Variants in LPP observed in about 807,000 individuals in gnomAD.
LPP encodes the protein lipoma-preferred partner.
Under a neutral mutation model 60.4 loss-of-function variants are expected in LPP, and 38 were observed. The observed-to-expected ratio is 0.63, with a 90% confidence interval of 0.49 to 0.83. The LOEUF (loss-of-function observed/expected upper bound fraction) is 0.83. LPP is among the 40% of genes least tolerant of loss of function. The pLI, the probability that LPP is intolerant of heterozygous loss-of-function variation, is 0.00. For missense variants in LPP, 902 were observed against 783.6 expected (o/e 1.15, Z -1.80); for synonymous variants, 328 against 290.8 (o/e 1.13, Z -1.30).
intron 8 of LPP, among the ~76,000 whole-genome samples, chr3:188,719,538 G>T (rs899652535): frequency 6.6e-6 from 1 of 152,178 alleles, no homozygotes; most frequent in Non-Finnish European, 1.5e-5. Flanking sequence ...ATAATTGAAT[G>T]TTCTTTGCTT....
At chr3:188,274,966 A>G (rs1277682879) in intron 2 of LPP, among the ~76,000 whole-genome samples, 1 of 152,216 alleles carries the variant, frequency 6.6e-6, no homozygotes, top group Non-Finnish European at 1.5e-5. Flanking sequence ...ATGAAAATTG[A>G]CAGTCAAGCT....
intron 3 of LPP, among the ~76,000 whole-genome samples, chr3:188,380,490 T>G (rs1776581769): frequency 6.6e-6 from 1 of 152,230 alleles, no homozygotes; most frequent in Non-Finnish European, 1.5e-5. Context: ...ATGTCCCTTA[T>G]GTTCATTTGA....
intron 7 of LPP, among the ~76,000 whole-genome samples, chr3:188,620,411 A>G (rs1845599167): frequency 6.6e-6 from 1 of 152,148 alleles, no homozygotes; most frequent in Admixed American, 6.5e-5. Context: ...ATTTGGAATA[A>G]TACTATATAT....
At chr3:188,177,228 G>A (rs147203778) in intron 1 of LPP, among the ~76,000 whole-genome samples, 127 of 152,336 alleles carry the variant, frequency 8.3e-4, no homozygotes, top group Admixed American at 6.3e-3. Flanking sequence ...CTGCAATCCA[G>A]TAGAGATGCC....
At chr3:188,366,562 C>T (rs928180134) in intron 3 of LPP, among the ~76,000 whole-genome samples, 2 of 152,170 alleles carry the variant, frequency 1.3e-5, no homozygotes, top group Admixed American at 1.3e-4. Flanking sequence ...CGCCTGAATT[C>T]CTTAACGTGT....
intron 6 of LPP, among the ~76,000 whole-genome samples, chr3:188,562,728 T>A (rs910609065): frequency 6.6e-6 from 1 of 152,024 alleles, no homozygotes; most frequent in Non-Finnish European, 1.5e-5. Context: ...TTATTTGAAC[T>A]GAACCCACTC....
intron 3 of LPP, among the ~76,000 whole-genome samples, chr3:188,362,367 T>A (rs1301189093): frequency 6.6e-6 from 1 of 152,186 alleles, no homozygotes; most frequent in African/African-American, 2.4e-5. Flanking sequence ...GCTTTTTGTG[T>A]TTGTCTTCTT....
At chr3:188,459,961 A>T (rs147820363) in intron 4 of LPP, among the ~76,000 whole-genome samples, 2 of 152,110 alleles carry the variant, frequency 1.3e-5, no homozygotes, top group Non-Finnish European at 2.9e-5. Flanking sequence ...GGAAATATCT[A>T]CCTTCAAGGA....
At chr3:188,369,118 C>T (rs1433539814) in intron 3 of LPP, among the ~76,000 whole-genome samples, 1 of 152,050 alleles carries the variant, frequency 6.6e-6, no homozygotes, top group Non-Finnish European at 1.5e-5. Context: ...TCTCCACTGC[C>T]CATGTCTAAA....
intron 9 of LPP, among the ~76,000 whole-genome samples, chr3:188,767,686 A>G (rs1734589885): frequency 6.6e-6 from 1 of 152,206 alleles, no homozygotes; most frequent in Non-Finnish European, 1.5e-5. Flanking sequence ...AGAACAAGAA[A>G]TGAATAAATA....
At chr3:188,274,903 A>G (rs556876002) in intron 2 of LPP, among the ~76,000 whole-genome samples, 3 of 152,356 alleles carry the variant, frequency 2.0e-5, no homozygotes, top group African/African-American at 7.2e-5. Context: ...TTTCTGAACT[A>G]TCTAGGAATT....
At chr3:188,426,949 A>G (rs1191579018) in intron 4 of LPP, among the ~76,000 whole-genome samples, 1 of 152,134 alleles carries the variant, frequency 6.6e-6, no homozygotes, top group Non-Finnish European at 1.5e-5. Context: ...TAGCCTGTTT[A>G]CATTGAAGGT....
At chr3:188,687,216 C>T (rs910997874) in intron 7 of LPP, among the ~76,000 whole-genome samples, 2 of 152,162 alleles carry the variant, frequency 1.3e-5, no homozygotes, top group African/African-American at 4.8e-5. Flanking sequence ...CCCAGTGATG[C>T]CTGTGATCTA....
intron 2 of LPP, chr3:188,239,914 A>G (rs536324087): frequency 4.8e-6 from 1 of 206,246 alleles, no homozygotes; most frequent in Non-Finnish European, 9.9e-6. Context: ...CTAGGGTAGG[A>G]TATCAAAATT....
chr3:188,740,221 C>A (rs2150158586), intron 8 of LPP, among the ~76,000 whole-genome samples: 1 of 152,126 alleles, frequency 6.6e-6, no homozygotes, highest in South Asian at 2.1e-4. Flanking sequence ...GGTGCTTTTG[C>A]AATAGGGACC....
intron 6 of LPP, among the ~76,000 whole-genome samples, chr3:188,601,627 T>C (rs1047039474): frequency 6.6e-6 from 1 of 152,166 alleles, no homozygotes; most frequent in African/African-American, 2.4e-5. Flanking sequence ...TAACTGACAA[T>C]CACCTGCCCC....
intron 4 of LPP, among the ~76,000 whole-genome samples, chr3:188,439,781 T>G (rs1432155422): frequency 6.6e-6 from 1 of 152,164 alleles, no homozygotes; most frequent in Non-Finnish European, 1.5e-5. Context: ...TTGGGAACCT[T>G]CTATCCTAGT....
intron 6 of LPP, among the ~76,000 whole-genome samples, chr3:188,598,547 C>T (rs1234986778): frequency 6.6e-6 from 1 of 152,116 alleles, no homozygotes; most frequent in Non-Finnish European, 1.5e-5. Flanking sequence ...CATATAATCA[C>T]ATTGCTAAAA....
intron 9 of LPP, among the ~76,000 whole-genome samples, chr3:188,762,562 A>G (rs996351893): frequency 6.6e-5 from 10 of 152,160 alleles, no homozygotes; most frequent in East Asian, 1.9e-4. Flanking sequence ...ATCTGATTAA[A>G]TAATAGGTTT....
Sources: allele counts gnomAD v4.1 joint callset (sites outside exome capture counted in the v4.1 genomes callset), GRCh38; gene constraint gnomAD v4.1.1; transcripts MANE v1.5; gene names NCBI Gene and HGNC (gene_info 2026-07-23, HGNC 2026-07-21).